Variants in PAK5 observed in about 807,000 individuals in gnomAD.
The protein encoded by PAK5 is serine/threonine-protein kinase PAK 5.
In PAK5, 16 loss-of-function variants were observed where a neutral mutation model predicts 65.9. The ratio of observed to expected loss-of-function variants is 0.24; its 90% CI spans 0.16 to 0.37. The LOEUF is 0.37. PAK5 is among the 10% of genes least tolerant of loss of function. The pLI, the probability that PAK5 is intolerant of heterozygous loss-of-function variation, is 1.00. For synonymous variants in PAK5, 371 were observed against 354.9 expected (o/e 1.05, Z -0.51); for missense variants, 785 against 903.9 (o/e 0.87, Z 1.69).
intron 1 of PAK5, among the ~76,000 whole-genome samples, chr20:9,790,569 G>A (rs1453440392): frequency 6.6e-6 from 1 of 152,112 alleles, no homozygotes; most frequent in East Asian, 1.9e-4. Flanking sequence ...ACAGTGGCAT[G>A]GTCATAGCTC....
chr20:9,732,485 T>A (rs1001869367), intron 1 of PAK5, among the ~76,000 whole-genome samples: 5 of 152,324 alleles, frequency 3.3e-5, no homozygotes, highest in Admixed American at 3.3e-4. Flanking sequence ...ATTCCAGTAC[T>A]CAAGACATTG....
chr20:9,794,570 A>G (rs760032407), intron 1 of PAK5, among the ~76,000 whole-genome samples: 23 of 152,076 alleles, frequency 1.5e-4, no homozygotes, highest in Non-Finnish European at 2.5e-4. Flanking sequence ...AGCAAGACAT[A>G]TGCACTGTGA....
intron 2 of PAK5, among the ~76,000 whole-genome samples, chr20:9,672,194 T>C (rs1055592475): frequency 3.3e-5 from 5 of 151,866 alleles, no homozygotes; most frequent in South Asian, 2.1e-4. Flanking sequence ...ATAATTTCCA[T>C]GAAAATTTTT....
At chr20:9,653,012 C>A (rs1480225765) in intron 2 of PAK5, among the ~76,000 whole-genome samples, 2 of 152,144 alleles carry the variant, frequency 1.3e-5, no homozygotes, top group African/African-American at 4.8e-5. Context: ...ACTTTTTAGA[C>A]CCTCAACATC....
At chr20:9,776,846 T>C (rs1446358967) in intron 1 of PAK5, among the ~76,000 whole-genome samples, 4 of 152,194 alleles carry the variant, frequency 2.6e-5, no homozygotes, top group Non-Finnish European at 5.9e-5. Flanking sequence ...GCTAAGTTGC[T>C]CTTGAATTTC....
At chr20:9,688,425 C>T (rs2047749232) in intron 2 of PAK5, among the ~76,000 whole-genome samples, 1 of 151,974 alleles carries the variant, frequency 6.6e-6, no homozygotes, top group Non-Finnish European at 1.5e-5. Context: ...AGAGGGAAAA[C>T]ACCTGTATGT....
intron 3 of PAK5, among the ~76,000 whole-genome samples, chr20:9,621,436 C>T (rs1264739653): frequency 7.1e-6 from 1 of 141,718 alleles, no homozygotes; most frequent in African/African-American, 2.6e-5. Context: ...CACACCTAGG[C>T]ATATCCTGAA....
At chr20:9,813,570 T>C (rs1452322723) in intron 1 of PAK5, among the ~76,000 whole-genome samples, 1 of 152,096 alleles carries the variant, frequency 6.6e-6, no homozygotes. Flanking sequence ...GTGTTTGTAA[T>C]AGCCCTAAAT....
chr20:9,606,172 CATG>C (rs1568994503), intron 3 of PAK5, among the ~76,000 whole-genome samples: 1 of 152,154 alleles, frequency 6.6e-6, no homozygotes, highest in Non-Finnish European at 1.5e-5. Context: ...GTACTATTCT[CATG>C]ATAATGAGTG....
intron 4 of PAK5, among the ~76,000 whole-genome samples, chr20:9,568,183 C>A (rs915069154): frequency 6.6e-5 from 10 of 152,188 alleles, no homozygotes; most frequent in Non-Finnish European, 1.5e-5. Context: ...ACAGGAATGA[C>A]ACAGTCTGAC....
At chr20:9,807,271 C>G (rs542335336) in intron 1 of PAK5, among the ~76,000 whole-genome samples, 22 of 152,126 alleles carry the variant, frequency 1.4e-4, no homozygotes, top group Non-Finnish European at 2.8e-4. Flanking sequence ...ATACACTATT[C>G]TATATTTTTA....
chr20:9,589,732 G>C (rs1045518842), intron 3 of PAK5, among the ~76,000 whole-genome samples: 2 of 152,062 alleles, frequency 1.3e-5, no homozygotes, highest in African/African-American at 4.8e-5. Flanking sequence ...GTGCAATGGT[G>C]TGATCTCTGT....
At chr20:9,813,354 A>C (rs989605830) in intron 1 of PAK5, among the ~76,000 whole-genome samples, 1 of 151,352 alleles carries the variant, frequency 6.6e-6, no homozygotes, top group Non-Finnish European at 1.5e-5. Context: ...ATTGTAAGAC[A>C]GGTATACCTC....
chr20:9,707,366 T>C (rs1244350224), intron 2 of PAK5, among the ~76,000 whole-genome samples: 3 of 152,192 alleles, frequency 2.0e-5, no homozygotes, highest in Non-Finnish European at 1.5e-5. Flanking sequence ...TACCTCAGCC[T>C]CTTAAAGTGC....
intron 2 of PAK5, among the ~76,000 whole-genome samples, chr20:9,710,376 C>T (rs1815191743): frequency 6.6e-6 from 1 of 152,222 alleles, no homozygotes; most frequent in Non-Finnish European, 1.5e-5. Flanking sequence ...AGACATATTA[C>T]ATCATAAGCA....
At chr20:9,747,022 G>A (rs1049957936) in intron 1 of PAK5, among the ~76,000 whole-genome samples, 4 of 152,094 alleles carry the variant, frequency 2.6e-5, no homozygotes, top group African/African-American at 9.6e-5. Context: ...GATCCCACAG[G>A]AATACAAATT....
At chr20:9,679,456 C>T (rs1031006985) in intron 2 of PAK5, among the ~76,000 whole-genome samples, 1 of 152,180 alleles carries the variant, frequency 6.6e-6, no homozygotes, top group Non-Finnish European at 1.5e-5. Flanking sequence ...ATCTTGAGAA[C>T]ATTTTATGTC....
rs1001675379 is a variant in PAK5, at chr20:9,773,592, T to C, written c.-161-62157A>G. ...ACATTGACTTGATGTGGCTAGGAAG[T>C]ATATGAGAAAGAGAAGAGAAAGAAA... On this transcript the variant is annotated intron_variant, in intron 1 of 9. Coordinates refer to ENST00000353224, the MANE Select transcript of PAK5 (RefSeq NM_177990.4). Among the ~76,000 whole-genome samples the C allele has an allele frequency of 3.3e-5, 5 of 151,848 alleles. No individual in the cohort carries two copies. In the East Asian group the frequency reaches 9.7e-4, roughly 29 times the overall value.
At chr20:9,541,411 G>C (rs573691561) in intron 9 of PAK5, among the ~76,000 whole-genome samples, 2 of 152,136 alleles carry the variant, frequency 1.3e-5, no homozygotes, top group Non-Finnish European at 2.9e-5. Context: ...AAACAGAAAA[G>C]ACCCCACTCG....
Sources: allele counts gnomAD v4.1 joint callset (sites outside exome capture counted in the v4.1 genomes callset), GRCh38; gene constraint gnomAD v4.1.1; transcripts MANE v1.5; gene names NCBI Gene and HGNC (gene_info 2026-07-23, HGNC 2026-07-21).